KIAA1549L: variants seen among roughly 807,000 people sequenced by gnomAD.
The protein encoded by KIAA1549L is UPF0606 protein KIAA1549L.
KIAA1549L carries 88 observed loss-of-function variants against 160.7 expected under a neutral mutation model. The observed-to-expected ratio is 0.55, with a 90% CI of 0.46 to 0.65. The LOEUF is 0.65. KIAA1549L is among the 30% of genes least tolerant of loss of function. The pLI, the probability that KIAA1549L is intolerant of heterozygous loss-of-function variation, is 0.00. For missense variants in KIAA1549L, 2,258 were observed against 2,437.5 expected (o/e 0.93, Z 1.55); for synonymous variants, 950 against 976.7 (o/e 0.97, Z 0.51).
Position 33,542,120 on chromosome 11 carries a change from G to A in KIAA1549L, c.557G>A (p.Gly186Glu), listed in dbSNP as rs1854039667. The change falls in exon 2 of 21, where the codon GGG becomes GAG. Residue 186 changes from glycine (G) to glutamate (E), a missense_variant. Around this residue, in one of 6 missense-constraint regions of KIAA1549L, gnomAD observed 540 missense variants for 465.7 expected, o/e 1.16. Coordinates refer to ENST00000658780, the MANE Select transcript of KIAA1549L (RefSeq NM_012194.3). ...TCCCTGGTCCAACCGGGGCCTAAAGGGGGACAAGAAGCAGCCGATGTGTCA... is the reference window on the plus strand; with the variant it reads ...TCCCTGGTCCAACCGGGGCCTAAAGAGGGACAAGAAGCAGCCGATGTGTCA... Reference protein sequence around the residue: ...TESLVQPGPKGGQEAADVSGL... With the variant: ...TESLVQPGPKEGQEAADVSGL... 1 of 523,786 alleles carries A rather than the reference G, an allele frequency of 1.9e-6. No homozygotes were observed. Among genetic ancestry groups the A allele is most frequent in the East Asian group, 5.0e-5 (1 of 19,870 alleles). The allele number at this position is 523,786 out of a possible 1,614,324, so 32.4% of individuals were successfully genotyped here. A position where few individuals can be genotyped will look rare whatever the true frequency, so the allele number is the denominator to read the frequency against.
intron 1 of KIAA1549L, among the ~76,000 whole-genome samples, chr11:33,388,548 G>A (rs923417036): frequency 2.0e-5 from 3 of 149,728 alleles, no homozygotes; most frequent in African/African-American, 5.1e-5. Context: ...ATCCATAGAC[G>A]TAGCCTCAAC....
Position 33,434,654 on chromosome 11 carries a change from C to T in KIAA1549L, c.238+57765C>T, listed in dbSNP as rs1306598564. ...AAAACCAGCAGCCATTTGGGTCACT[C>T]AATAAATGGGCTGGAGTAAAACACC... On this transcript the variant is annotated intron_variant, in intron 1 of 20. Transcript: ENST00000658780. 3.3e-5 allele frequency among the ~76,000 whole-genome samples: 5 copies of T among 152,168 alleles called. No individual in the cohort carries two copies. The East Asian group carries it at 5.8e-4, about 18-fold the overall frequency.
chr11:33,418,706 G>A (rs532768164), intron 1 of KIAA1549L, among the ~76,000 whole-genome samples: 5 of 152,154 alleles, frequency 3.3e-5, no homozygotes, highest in Non-Finnish European at 7.4e-5. Flanking sequence ...AGGCTTGTTT[G>A]TGTATAACCC....
Position 33,591,389 on chromosome 11 carries a change from C to T in KIAA1549L, c.4719C>T (p.Ile1573=). ...ACGTCGCTCAGGATGGAAGCACCAT[C>T]AAGACCGCCAAATCCACTGAAACCA... ...ERDVAQDGST[I]KTAKSTETRK... Residue 1573 remains isoleucine (I), a synonymous_variant, in exon 12 of 21, where the codon ATC becomes ATT. Transcript: ENST00000658780. 1 of 1,609,372 alleles carries T rather than the reference C, an allele frequency of 6.2e-7. No individual in the cohort carries two copies. Among genetic ancestry groups the T allele is most frequent in the South Asian group, 1.1e-5 (1 of 90,882 alleles).
chr11:33,591,493 C>A, intron 12 of KIAA1549L, 72 bp downstream of exon 12: 1 of 1,234,482 alleles, frequency 8.1e-7, no homozygotes, highest in Non-Finnish European at 1.1e-6. Context: ...AGCTGATGCC[C>A]TCAAGTTAAT....
At chr11:33,547,207 G>A (rs555564668) in intron 3 of KIAA1549L, among the ~76,000 whole-genome samples, 2 of 152,346 alleles carry the variant, frequency 1.3e-5, no homozygotes, top group African/African-American at 4.8e-5. Context: ...AGTTCCTATG[G>A]AAATTTTCCC....
Position 33,661,003 on chromosome 11 carries a change from T to C in KIAA1549L, c.6148T>C (p.Trp2050Arg). The C allele has an allele frequency of 1.2e-6, 2 of 1,609,952 alleles. No individual in the cohort carries two copies. The highest frequency in any genetic ancestry group is 1.1e-5 in the South Asian group (1 of 90,110). The change falls in exon 20 of 21, where the codon TGG (tryptophan) becomes CGG (arginine). Residue 2050 changes from tryptophan (W) to arginine (R), a missense_variant. Physicochemically the swap from Trp to Arg is moderately radical, Grantham distance 101. Around this residue, in one of 6 missense-constraint regions of KIAA1549L, gnomAD observed 1,359 missense variants for 1,546.6 expected, o/e 0.88. Coordinates refer to ENST00000658780, the MANE Select transcript of KIAA1549L (RefSeq NM_012194.3). ...AGGAGAGAATGAGCTCCCGAGCCAG[T>C]GGGCAGATTCGGTGAGACCCTTGCT... ...YAGENELPSQ[W>R]ADSVPLPGYI...
intron 1 of KIAA1549L, among the ~76,000 whole-genome samples, chr11:33,539,042 A>G (rs1853956441): frequency 6.6e-6 from 1 of 152,202 alleles, no homozygotes; most frequent in African/African-American, 2.4e-5. Flanking sequence ...GTCTGTTGAC[A>G]TGTCTTTGAA....
intron 1 of KIAA1549L, among the ~76,000 whole-genome samples, chr11:33,383,426 G>A (rs1346811508): frequency 2.6e-5 from 4 of 152,154 alleles, no homozygotes; most frequent in Non-Finnish European, 1.5e-5. Flanking sequence ...TCACGGGATG[G>A]CAGCCATGGA....
chr11:33,512,963 C>T (rs1853260438), intron 1 of KIAA1549L, among the ~76,000 whole-genome samples: 1 of 152,124 alleles, frequency 6.6e-6, no homozygotes, highest in African/African-American at 2.4e-5. Flanking sequence ...AAAAATTGCA[C>T]AGGGTTGAGA....
At chr11:33,426,463 G>T (rs1268540168) in intron 1 of KIAA1549L, among the ~76,000 whole-genome samples, 4 of 152,158 alleles carry the variant, frequency 2.6e-5, no homozygotes, top group African/African-American at 9.7e-5. Flanking sequence ...TAAATTGAGA[G>T]CAAGGAGGGT....
intron 16 of KIAA1549L, among the ~76,000 whole-genome samples, chr11:33,634,156 C>T (rs1459962274): frequency 1.3e-5 from 2 of 152,114 alleles, no homozygotes; most frequent in African/African-American, 2.4e-5. Flanking sequence ...AATTCTCCTG[C>T]CTTAGCCTCC....
chr11:33,568,002 C>T (rs1855108220), intron 8 of KIAA1549L, 74 bp from the exon 9 acceptor site: 18 of 1,455,292 alleles, frequency 1.2e-5, no homozygotes, highest in Non-Finnish European at 1.6e-5. Flanking sequence ...TGTGCAGGGT[C>T]AGTGGTGCTT....
intron 15 of KIAA1549L, 133 bp downstream of exon 15, chr11:33,610,099 C>A: frequency 1.5e-6 from 1 of 669,656 alleles, no homozygotes. Context: ...ATTTGTACCA[C>A]GCTGGTCTGT....
chr11:33,393,661 C>T (rs1850314370), intron 1 of KIAA1549L, among the ~76,000 whole-genome samples: 1 of 152,152 alleles, frequency 6.6e-6, no homozygotes. Context: ...GGCATGTTGC[C>T]TCCCGGGCAT....
At chr11:33,414,828 A>G (rs1010972642) in intron 1 of KIAA1549L, among the ~76,000 whole-genome samples, 1 of 151,904 alleles carries the variant, frequency 6.6e-6, no homozygotes, top group African/African-American at 2.4e-5. Flanking sequence ...AGAGTGTGTG[A>G]GTGAGTGTGT....
chr11:33,542,061 C>T lies in KIAA1549L; in HGVS notation c.498C>T (p.Ser166=), dbSNP rs1783048305. 5 of 469,798 alleles carry T rather than the reference C, an allele frequency of 1.1e-5. No individual in the cohort carries two copies. Among genetic ancestry groups the T allele is most frequent in the African/African-American group, 3.9e-5 (2 of 50,636 alleles). 29.1% of individuals were successfully genotyped at this position (469,798 alleles called of 1,614,324 possible). A position where few individuals can be genotyped will look rare whatever the true frequency, so the allele number is the denominator to read the frequency against. Residue 166 remains serine (S), a synonymous_variant, in exon 2 of 21, where the codon AGC becomes AGT. Transcript: ENST00000658780. ...CCCTTTACCAAGGAAGCGGACATAG[C>T]GCCTCCCTCGAACCTTCCAAGGATT... The part of the protein sequence containing the change: ...SSSLYQGSGH[S]ASLEPSKDST...
intron 1 of KIAA1549L, among the ~76,000 whole-genome samples, chr11:33,448,118 C>T (rs1851652909): frequency 6.6e-6 from 1 of 152,098 alleles, no homozygotes; most frequent in Non-Finnish European, 1.5e-5. Flanking sequence ...TTCCGGGATA[C>T]ATGTGCAGAA....
chr11:33,659,798 G>A (rs1590457731), intron 19 of KIAA1549L, among the ~76,000 whole-genome samples: 1 of 152,220 alleles, frequency 6.6e-6, no homozygotes, highest in East Asian at 1.9e-4. Context: ...TGTTGGGATG[G>A]GGATGGGGGA....
Sources: gnomAD v4.1 joint callset for allele counts (sites outside exome capture counted in the v4.1 genomes callset) on GRCh38, gnomAD v4.1.1 for gene constraint, gnomAD v4.1.1 regional missense constraint, MANE v1.5 for transcripts, NCBI Gene and HGNC (gene_info 2026-07-23, HGNC 2026-07-21) for gene names.